LPP: variants seen among roughly 807,000 people sequenced by gnomAD.
LPP encodes the protein lipoma-preferred partner.
Under a neutral mutation model 60.4 loss-of-function variants are expected in LPP, and 38 were observed. That is an observed-to-expected ratio of 0.63 (90% CI 0.49 to 0.83). The LOEUF (loss-of-function observed/expected upper bound fraction) is 0.83, where lower values mean the gene tolerates loss of function less well. Ranked by LOEUF, LPP falls within the 40% of genes least tolerant of loss-of-function variation. The pLI is 0.00. For synonymous variants in LPP, 328 were observed against 290.8 expected, an observed-to-expected ratio of 1.13 and a Z score of -1.30; for missense variants, 902 against 783.6, an observed-to-expected ratio of 1.15 and a Z score of -1.80.
chr3:188,564,557 A>C (rs1831632192), intron 6 of LPP, among the ~76,000 whole-genome samples: 1 of 152,128 alleles, frequency 6.6e-6, no homozygotes, highest in Middle Eastern at 3.4e-3. Flanking sequence ...TTTTAAAATA[A>C]AGAAATCGTT....
At chr3:188,756,934 ATTCC>A (rs1730463068) in intron 8 of LPP, among the ~76,000 whole-genome samples, 1 of 152,234 alleles carries the variant, frequency 6.6e-6, no homozygotes, top group East Asian at 1.9e-4. Context: ...TGAGAAGGCA[ATTCC>A]GTGTCATGCC....
At position 188,838,294 on chromosome 3, in the gene LPP, G is replaced by A. The variant is rs116922779; in HGVS notation, c.1411-27906G>A. On this transcript the variant is annotated intron_variant, in intron 9 of 11. Coordinates refer to ENST00000617246, the MANE Select transcript of LPP (RefSeq NM_001375462.1). ...TTTACGGATGAAAAAAAGATTCTAG[G>A]AGGATAAGGGACTTTGTCACAAAAG... Among the ~76,000 whole-genome samples the A allele has an allele frequency of 3.3e-4, 50 of 152,154 alleles. No individual in the cohort carries two copies. In the East Asian group the frequency reaches 8.1e-3, roughly 25 times the overall value.
intron 7 of LPP, among the ~76,000 whole-genome samples, chr3:188,671,948 A>C (rs1337794854): frequency 6.6e-6 from 1 of 152,220 alleles, no homozygotes; most frequent in African/African-American, 2.4e-5. Flanking sequence ...TTATAAAGAA[A>C]ATAAGTATTC....
Position 188,187,730 on chromosome 3 carries a change from C to T in LPP, c.-190+33478C>T, listed in dbSNP as rs531048944. ...TTCTAATTGCTTCCTTTTATTTAAACCCCTGTGTTTTTATTATGGTTTCAG... is the reference window on the plus strand; with the variant it reads ...TTCTAATTGCTTCCTTTTATTTAAATCCCTGTGTTTTTATTATGGTTTCAG... On this transcript the variant is annotated intron_variant, in intron 1 of 11. Coordinates refer to ENST00000617246, the MANE Select transcript of LPP (RefSeq NM_001375462.1). Among the ~76,000 whole-genome samples, 7 of 152,164 alleles carry T rather than the reference C, an allele frequency of 4.6e-5. No individual in the cohort carries two copies. The South Asian group carries it at 1.5e-3, about 32-fold the overall frequency.
chr3:188,615,037 A>G (rs1218799036), intron 7 of LPP, among the ~76,000 whole-genome samples: 2 of 152,150 alleles, frequency 1.3e-5, no homozygotes, highest in African/African-American at 4.8e-5. Flanking sequence ...ATGGCCTCTT[A>G]CTTAGGGTTT....
intron 7 of LPP, among the ~76,000 whole-genome samples, chr3:188,694,704 A>T (rs972533646): frequency 2.6e-5 from 4 of 151,524 alleles, no homozygotes; most frequent in Admixed American, 1.3e-4. Flanking sequence ...TCTCAAAAAA[A>T]AAAAAATAAA....
At chr3:188,838,730 A>G (rs1424975971) in intron 9 of LPP, among the ~76,000 whole-genome samples, 1 of 152,198 alleles carries the variant, frequency 6.6e-6, no homozygotes, top group African/African-American at 2.4e-5. Context: ...GCTAGAAGCC[A>G]TCATCCTCAG....
intron 6 of LPP, among the ~76,000 whole-genome samples, chr3:188,542,523 T>C (rs1825489132): frequency 6.6e-6 from 1 of 152,192 alleles, no homozygotes; most frequent in African/African-American, 2.4e-5. Flanking sequence ...GTCTCTTGCT[T>C]TTTAAAGTAA....
chr3:188,746,320 A>G (rs139475325), intron 8 of LPP, among the ~76,000 whole-genome samples: 316 of 152,280 alleles, frequency 2.1e-3, no homozygotes, highest in African/African-American at 7.4e-3. Flanking sequence ...TCCATATGGG[A>G]AAAGTAACCT....
chr3:188,713,389 G>GA (rs34959281), intron 8 of LPP, among the ~76,000 whole-genome samples: 33,166 of 144,440 alleles, frequency 0.23, 3,956 homozygotes, highest in Middle Eastern at 0.35. Context: ...AATTCTGGAT[G>GA]AAAAAAAAAA....
At chr3:188,354,836 G>GACACACACAC (rs59234691) in intron 3 of LPP, among the ~76,000 whole-genome samples, 72,259 of 151,344 alleles carry the variant, frequency 0.48, 17,407 homozygotes, top group East Asian at 0.65. Context: ...CACACACACA[G>GACACACACAC]ACACACACAC....
intron 5 of LPP, among the ~76,000 whole-genome samples, chr3:188,503,236 CAT>C (rs1308673517): frequency 6.6e-6 from 1 of 152,016 alleles, no homozygotes; most frequent in Non-Finnish European, 1.5e-5. Context: ...ACTTAGATAA[CAT>C]ACAAAATTCT....
At chr3:188,477,332 A>G (rs893371144) in intron 4 of LPP, among the ~76,000 whole-genome samples, 2 of 152,196 alleles carry the variant, frequency 1.3e-5, no homozygotes, top group Non-Finnish European at 2.9e-5. Flanking sequence ...TGAGACTTTA[A>G]CAGTAGTAGC....
At chr3:188,529,911 A>G (rs1483675104) in intron 6 of LPP, among the ~76,000 whole-genome samples, 7 of 152,246 alleles carry the variant, frequency 4.6e-5, no homozygotes, top group South Asian at 2.1e-4. Flanking sequence ...ACGTGTCAAA[A>G]TTATTGGGAG....
chr3:188,757,367 G>A (rs566656118), intron 8 of LPP, among the ~76,000 whole-genome samples: 9 of 152,246 alleles, frequency 5.9e-5, no homozygotes, highest in South Asian at 2.1e-4. Context: ...TGCTCTGGCC[G>A]TTCCCTCTAA....
At chr3:188,520,163 T>C (rs1560511597) in intron 5 of LPP, among the ~76,000 whole-genome samples, 1 of 152,228 alleles carries the variant, frequency 6.6e-6, no homozygotes. Context: ...TTATCACATA[T>C]GTATTCAGAT....
At chr3:188,374,172 G>A (rs1774202675) in intron 3 of LPP, among the ~76,000 whole-genome samples, 1 of 152,004 alleles carries the variant, frequency 6.6e-6, no homozygotes, top group Non-Finnish European at 1.5e-5. Flanking sequence ...TTTGGCTTAG[G>A]ATTGACTTGG....
At chr3:188,219,344 G>A (rs1183323175) in intron 1 of LPP, among the ~76,000 whole-genome samples, 1 of 152,116 alleles carries the variant, frequency 6.6e-6, no homozygotes, top group Non-Finnish European at 1.5e-5. Flanking sequence ...CCAATTGAGG[G>A]TACCTGTGCT....
chr3:188,868,206 C>G (rs149348932), intron 10 of LPP, among the ~76,000 whole-genome samples: 1 of 152,134 alleles, frequency 6.6e-6, no homozygotes, highest in Non-Finnish European at 1.5e-5. Flanking sequence ...TTAGACTTAT[C>G]CTAATCCAAG....
Sources: allele counts gnomAD v4.1 joint callset (sites outside exome capture counted in the v4.1 genomes callset), GRCh38; gene constraint gnomAD v4.1.1; transcripts MANE v1.5; gene names NCBI Gene and HGNC (gene_info 2026-07-23, HGNC 2026-07-21).